The following DNAAF5 variants were observed in gnomAD, a reference collection of about 807,000 sequenced individuals.
DNAAF5 encodes the protein HEAT repeat containing 2.
A neutral mutation model predicts 75.8 loss-of-function variants in DNAAF5; 64 were observed. That is an observed-to-expected ratio of 0.84 (90% CI 0.69 to 1.04). DNAAF5 has a LOEUF of 1.04. DNAAF5 is among the 50% of genes least tolerant of loss of function. The pLI is 0.00. For missense variants in DNAAF5, 1,269 were observed against 1,178.5 expected (o/e 1.08, Z -1.12); for synonymous variants, 657 against 557.2 (o/e 1.18, Z -2.52).
intron 8 of DNAAF5, 108 bp from the exon 9 acceptor site, chr7:770,363 G>A (rs552160288): frequency 1.4e-5 from 14 of 965,608 alleles, no homozygotes; most frequent in Middle Eastern, 3.3e-4. Context: ...GGTGGTGGCC[G>A]ATAGTGCCCT....
At chr7:752,249 G>A (rs897755188) in intron 4 of DNAAF5, among the ~76,000 whole-genome samples, 3 of 152,256 alleles carry the variant, frequency 2.0e-5, no homozygotes, top group Admixed American at 2.0e-4. Flanking sequence ...CCCCAGATGC[G>A]TCAGGGATCT....
rs116936105 is a variant in DNAAF5, at chr7:780,406, G to A, written c.2431+262G>A. Reference sequence around the variant, plus strand: ...TAGTTGTTTAAAATAACAATAGTAAGCCCAGTATATATTGACACAGATGGC... The same window carrying A: ...TAGTTGTTTAAAATAACAATAGTAAACCCAGTATATATTGACACAGATGGC... On this transcript the variant is annotated intron_variant, in intron 12 of 12. Transcript: ENST00000297440. 5.9e-3 allele frequency among the ~76,000 whole-genome samples: 893 copies of A among 152,320 alleles called. 3 individuals carry two copies. The highest frequency in any genetic ancestry group is 9.4e-3 in the Non-Finnish European group (641 of 68,022).
chr7:776,027 G>A (rs570922753), intron 11 of DNAAF5, among the ~76,000 whole-genome samples: 1 of 152,288 alleles, frequency 6.6e-6, no homozygotes, highest in East Asian at 1.9e-4. Flanking sequence ...TTTGATGGTG[G>A]CTTGTTTTAT....
At position 774,907 on chromosome 7, in the gene DNAAF5, C is replaced by G. The variant is rs1046792480; in HGVS notation, c.2083-99C>G. 3 of 979,322 alleles carry G rather than the reference C, an allele frequency of 3.1e-6. No homozygotes were observed. In the African/African-American group the frequency reaches 4.9e-5, roughly 16 times the overall value. 60.7% of individuals were successfully genotyped at this position (979,322 alleles called of 1,614,324 possible). ...CTACTTTTTAGGTAAAGCTTTCAAGCCCCCTAAGTCCTTCCAGGCAGGAGT... is the reference window on the plus strand; with the variant it reads ...CTACTTTTTAGGTAAAGCTTTCAAGGCCCCTAAGTCCTTCCAGGCAGGAGT... On this transcript the variant is annotated intron_variant, in intron 10 of 12. Coordinates refer to ENST00000297440, the MANE Select transcript of DNAAF5 (RefSeq NM_017802.4).
chr7:777,276 G>A (rs1778793397), intron 11 of DNAAF5, among the ~76,000 whole-genome samples: 1 of 152,100 alleles, frequency 6.6e-6, no homozygotes, highest in Admixed American at 6.5e-5. Flanking sequence ...AAAAAGGTTG[G>A]GGACTGCTAC....
chr7:780,190 C>A, intron 12 of DNAAF5, 46 bp downstream of exon 12: 1 of 1,553,278 alleles, frequency 6.4e-7, no homozygotes, highest in South Asian at 1.2e-5. Flanking sequence ...CTGCTTTCGG[C>A]GCCTGCCACG....
chr7:771,816 A>C (rs947459591), intron 9 of DNAAF5: 1 of 152,260 alleles, frequency 6.6e-6, no homozygotes, highest in Non-Finnish European at 1.5e-5. Context: ...TCTGCAGAGC[A>C]CAGTTTCCAC....
chr7:738,193 C>G (rs758902405), intron 2 of DNAAF5, among the ~76,000 whole-genome samples: 5 of 152,214 alleles, frequency 3.3e-5, no homozygotes, highest in Non-Finnish European at 7.3e-5. Flanking sequence ...GTCAGTTCTG[C>G]TGTTGAGAGG....
In DNAAF5 at chr7:753,542, T is replaced by C. The variant is rs568433194; in HGVS notation, c.1025-1047T>C. On this transcript the variant is annotated intron_variant, in intron 4 of 12. Transcript: ENST00000297440. ...GATGGCTTCGCAGCCGTGTCTCTCA[T>C]ATGGCGATGGCTTCGAAGGCATGTC... 4.6e-5 allele frequency among the ~76,000 whole-genome samples: 7 copies of C among 152,064 alleles called. No individual in the cohort carries two copies. In the East Asian group the frequency reaches 1.4e-3, roughly 29 times the overall value.
At position 743,351 on chromosome 7, in the gene DNAAF5, G is replaced by A. The variant is rs563771759; in HGVS notation, c.1024+1886G>A. Among the ~76,000 whole-genome samples, 140 of 149,506 alleles carry A rather than the reference G, an allele frequency of 9.4e-4. 1 individual carries two copies. The highest frequency in any genetic ancestry group is 3.3e-3 in the African/African-American group (135 of 40,616). On this transcript the variant is annotated intron_variant, in intron 4 of 12. Transcript: ENST00000297440. The stretch of plus-strand genomic sequence containing the variant: ...GACCACACCCCTGCACTCCAGCCTG[G>A]GTGACAGAGTGAGACCCCGTTTAAA...
At chr7:777,724 C>T (rs1778809962) in intron 11 of DNAAF5, among the ~76,000 whole-genome samples, 1 of 152,198 alleles carries the variant, frequency 6.6e-6, no homozygotes, top group Non-Finnish European at 1.5e-5. Context: ...ATCGGAACTT[C>T]ACACTCTGTG....
chr7:769,800 C>A (rs1484059974), intron 8 of DNAAF5, among the ~76,000 whole-genome samples: 1 of 152,110 alleles, frequency 6.6e-6, no homozygotes, highest in African/African-American at 2.4e-5. Flanking sequence ...CCACCACGCC[C>A]AGCTAATTTT....
rs759530530 is a variant in DNAAF5 at position 754,752 on chromosome 7, G to T, written c.1188G>T (p.Gln396His). The change falls in exon 5 of 13, where the codon CAG becomes CAT. Residue 396 changes from glutamine to histidine, a missense_variant. Gln to His is a conservative substitution (Grantham distance 24). Transcript: ENST00000297440. The surrounding 1 kb of genome is among the most constrained non-coding windows in gnomAD (Gnocchi z 4.8). The stretch of plus-strand genomic sequence containing the variant: ...TGCATGCCGAGGACCACGCCACGCA[G>T]CACCTGGAGGTCGTCCTCCGGACCC... ...LLLHAEDHAT[Q>H]HLEVVLRTLF... 2 of 1,613,556 alleles carry T rather than the reference G, an allele frequency of 1.2e-6. No individual in the cohort carries two copies. Among genetic ancestry groups the T allele is most frequent in the Non-Finnish European group, 1.7e-6 (2 of 1,179,976 alleles).
Position 729,784 on chromosome 7 carries a change from C to T in DNAAF5, c.717C>T (p.Asn239=), listed in dbSNP as rs569560572. ...EATGAVIHFG[N]GKSVDDVLSH... The stretch of plus-strand genomic sequence containing the variant: ...CAGGCGCAGTGATCCATTTTGGCAA[C>T]GGGAAGTCCGTGGACGACGTGCTTT... Residue 239 remains asparagine, a synonymous_variant, in exon 2 of 13, where the codon AAC becomes AAT. Coordinates refer to ENST00000297440, the MANE Select transcript of DNAAF5 (RefSeq NM_017802.4). The T allele has an allele frequency of 2.2e-4, 358 of 1,614,218 alleles. 6 individuals are homozygous for T. The South Asian group carries it at 3.1e-3, about 14-fold the overall frequency.
intron 2 of DNAAF5, among the ~76,000 whole-genome samples, chr7:735,803 T>G (rs1263802963): frequency 1.3e-5 from 2 of 152,200 alleles, no homozygotes; most frequent in Non-Finnish European, 2.9e-5. Flanking sequence ...TCTTATTTCT[T>G]GTCTTCTACT....
intron 8 of DNAAF5, among the ~76,000 whole-genome samples, chr7:768,022 C>T (rs369215603): frequency 2.0e-5 from 3 of 150,990 alleles, no homozygotes; most frequent in Non-Finnish European, 3.0e-5. Context: ...GTCCTTGCAG[C>T]GAGCAGGAGC....
chr7:747,737 C>T (rs1287015710), intron 4 of DNAAF5, among the ~76,000 whole-genome samples: 1 of 46,808 alleles, frequency 2.1e-5, no homozygotes, highest in Non-Finnish European at 4.8e-5. Context: ...TCAGCATGTC[C>T]GGCTGGTGTG....
intron 9 of DNAAF5, chr7:772,458 A>G (rs907936367): frequency 6.6e-6 from 1 of 152,246 alleles, no homozygotes; most frequent in South Asian, 2.1e-4. Flanking sequence ...AGTGGCTGCG[A>G]GTTCAGGGCA....
chr7:760,427 C>G (rs944638158), intron 6 of DNAAF5, among the ~76,000 whole-genome samples: 1 of 152,182 alleles, frequency 6.6e-6, no homozygotes, highest in African/African-American at 2.4e-5. Context: ...TACATGGCCA[C>G]GGTCCTGACT....
Sources: gnomAD v4.1 joint callset for allele counts (sites outside exome capture counted in the v4.1 genomes callset) on GRCh38, gnomAD v4.1.1 for gene constraint, Gnocchi (gnomAD v3.1) non-coding constraint, MANE v1.5 for transcripts, NCBI Gene and HGNC (gene_info 2026-07-23, HGNC 2026-07-21) for gene names.